Variants in PRKG1 observed in about 807,000 individuals in gnomAD.
PRKG1 encodes the protein cGMP-dependent protein kinase 1.
PRKG1 carries 35 observed loss-of-function variants against 88.1 expected under a neutral mutation model. The ratio of observed to expected loss-of-function variants is 0.40; its 90% CI spans 0.30 to 0.53. The LOEUF (loss-of-function observed/expected upper bound fraction) is 0.53. Ranked by LOEUF, PRKG1 falls within the 20% of genes least tolerant of loss-of-function variation. The pLI is 0.59. For synonymous variants in PRKG1, 303 were observed against 292.5 expected (o/e 1.04, Z -0.37); for missense variants, 540 against 839.8 (o/e 0.64, Z 4.41).
At chr10:51,404,953 A>G (rs141805324) in intron 2 of PRKG1, among the ~76,000 whole-genome samples, 1 of 152,290 alleles carries the variant, frequency 6.6e-6, no homozygotes, top group Non-Finnish European at 1.5e-5. Flanking sequence ...TCTTTTTAAG[A>G]CGTGATTAAG....
At chr10:51,319,966 C>A in intron 2 of PRKG1, 1 of 230,640 alleles carries the variant, frequency 4.3e-6, no homozygotes, top group South Asian at 8.4e-5. Context: ...TACAACTGGT[C>A]CTCAGCCATA....
At chr10:51,220,029 G>C (rs965106594) in intron 2 of PRKG1, among the ~76,000 whole-genome samples, 1 of 152,096 alleles carries the variant, frequency 6.6e-6, no homozygotes, top group African/African-American at 2.4e-5. Context: ...ACCAGCTCCT[G>C]GCAGAAAAGG....
At chr10:51,221,634 T>G (rs1295406769) in intron 2 of PRKG1, among the ~76,000 whole-genome samples, 1 of 150,752 alleles carries the variant, frequency 6.6e-6, no homozygotes, top group Non-Finnish European at 1.5e-5. Flanking sequence ...AAAAAAAGAT[T>G]GGCAAACTTT....
chr10:51,698,078 C>T, intron 3 of PRKG1: 1 of 1,614,072 alleles, frequency 6.2e-7, no homozygotes, highest in Non-Finnish European at 8.5e-7. Flanking sequence ...CTGTCTGGGT[C>T]CCTGAGGAGG....
intron 1 of PRKG1, among the ~76,000 whole-genome samples, chr10:51,044,344 T>A (rs1026026521): frequency 1.3e-5 from 2 of 152,044 alleles, no homozygotes; most frequent in Non-Finnish European, 2.9e-5. Flanking sequence ...GTAAAGATAT[T>A]CCTGTGGATA....
chr10:51,310,231 T>C (rs4315012), intron 2 of PRKG1, among the ~76,000 whole-genome samples: 109,073 of 152,060 alleles, frequency 0.72, 39,225 homozygotes, highest in Middle Eastern at 0.76. Flanking sequence ...TACTTGTACT[T>C]CTTAAATTTA....
chr10:52,225,114 C>T (rs572361095), intron 9 of PRKG1, among the ~76,000 whole-genome samples: 3 of 151,960 alleles, frequency 2.0e-5, no homozygotes, highest in Admixed American at 2.0e-4. Flanking sequence ...GTGTAAGTGT[C>T]CCCTGTTCAG....
At chr10:51,354,697 G>T (rs755995855) in intron 2 of PRKG1, among the ~76,000 whole-genome samples, 16 of 152,006 alleles carry the variant, frequency 1.1e-4, no homozygotes, top group Non-Finnish European at 1.8e-4. Flanking sequence ...ATTGCTTTGA[G>T]ATAGTTACTA....
intron 2 of PRKG1, among the ~76,000 whole-genome samples, chr10:51,172,797 C>G (rs1033202487): frequency 1.5e-4 from 23 of 152,014 alleles, no homozygotes; most frequent in African/African-American, 5.5e-4. Context: ...ATCTTCAGGC[C>G]TAGGTCTTTG....
intron 9 of PRKG1, among the ~76,000 whole-genome samples, chr10:52,193,664 T>C (rs1839432599): frequency 6.6e-6 from 1 of 151,512 alleles, no homozygotes; most frequent in Non-Finnish European, 1.5e-5. Flanking sequence ...ACATTTCAAG[T>C]AAGTAATAAC....
chr10:51,488,446 C>T (rs10997777), intron 3 of PRKG1, among the ~76,000 whole-genome samples: 36,469 of 152,032 alleles, frequency 0.24, 4,740 homozygotes, highest in Admixed American at 0.32. Flanking sequence ...AAACTCATTA[C>T]ATTTCAGGAA....
intron 7 of PRKG1, among the ~76,000 whole-genome samples, chr10:52,115,004 A>T (rs1847654189): frequency 6.6e-6 from 1 of 152,206 alleles, no homozygotes. Flanking sequence ...ACGAAATATC[A>T]TGGGTGTATC....
At chr10:52,129,710 C>A (rs544202842) in intron 7 of PRKG1, among the ~76,000 whole-genome samples, 2 of 152,240 alleles carry the variant, frequency 1.3e-5, no homozygotes, top group South Asian at 4.1e-4. Context: ...TAGGACATAG[C>A]TATGGATGGG....
intron 1 of PRKG1, among the ~76,000 whole-genome samples, chr10:51,152,338 G>T (rs1589197469): frequency 6.6e-6 from 1 of 152,008 alleles, no homozygotes; most frequent in Admixed American, 6.6e-5. Context: ...AGTTGTATCT[G>T]CCTGGTTACC....
Position 52,078,967 on chromosome 10 carries a change from G to T in PRKG1, c.935+16336G>T, listed in dbSNP as rs771921910. On this transcript the variant is annotated intron_variant, in intron 7 of 17. Coordinates refer to ENST00000373980, the MANE Select transcript of PRKG1 (RefSeq NM_006258.4). ...CTGGGTCTCCCATGAGAATAGAGTT[G>T]GATGTGCCTACAGGCAAATATCATG... Among the ~76,000 whole-genome samples, 65 of 152,308 alleles carry T rather than the reference G, an allele frequency of 4.3e-4. No homozygotes were observed. In the Middle Eastern group the frequency reaches 0.01, roughly 24 times the overall value.
intron 4 of PRKG1, among the ~76,000 whole-genome samples, chr10:51,884,442 C>A (rs1382098283): frequency 4.0e-5 from 1 of 25,206 alleles, no homozygotes; most frequent in Non-Finnish European, 6.7e-5. Flanking sequence ...GAAACTCCGT[C>A]TCAAAAAAAA....
At chr10:51,860,450 A>G (rs1172879130) in intron 4 of PRKG1, among the ~76,000 whole-genome samples, 1 of 152,188 alleles carries the variant, frequency 6.6e-6, no homozygotes, top group Admixed American at 6.5e-5. Flanking sequence ...GAAGTGACAC[A>G]AGTTATTTTT....
chr10:51,919,522 C>A (rs924123489), intron 5 of PRKG1, among the ~76,000 whole-genome samples: 1 of 143,194 alleles, frequency 7.0e-6, no homozygotes, highest in African/African-American at 2.5e-5. Context: ...CTGTGCAATA[C>A]CATTCTGCAG....
At chr10:51,365,514 G>T (rs1441403068) in intron 2 of PRKG1, among the ~76,000 whole-genome samples, 4 of 151,914 alleles carry the variant, frequency 2.6e-5, no homozygotes, top group Non-Finnish European at 5.9e-5. Flanking sequence ...GAGCAGTCCT[G>T]CCATTCAGCC....
Sources: gnomAD v4.1 joint callset for allele counts (sites outside exome capture counted in the v4.1 genomes callset) on GRCh38, gnomAD v4.1.1 for gene constraint, MANE v1.5 for transcripts, NCBI Gene and HGNC (gene_info 2026-07-23, HGNC 2026-07-21) for gene names.